CHST11: variants seen among roughly 807,000 people sequenced by gnomAD.
CHST11 encodes the protein C4S-1.
Under a neutral mutation model 30.4 loss-of-function variants are expected in CHST11, and 9 were observed. That is an observed-to-expected ratio of 0.30 (90% CI 0.18 to 0.52). The LOEUF is 0.52. CHST11 is among the 20% of genes least tolerant of loss of function. The pLI is 0.97. For synonymous variants in CHST11, 152 were observed against 187.8 expected (o/e 0.81, Z 1.56); for missense variants, 348 against 460.6 (o/e 0.76, Z 2.24).
chr12:104,678,214 GA>G (rs2039761025), intron 2 of CHST11, among the ~76,000 whole-genome samples: 1 of 152,166 alleles, frequency 6.6e-6, no homozygotes, highest in African/African-American at 2.4e-5. Context: ...AATGGAGAAA[GA>G]AAAATGTTCT....
chr12:104,611,372 TC>T (rs2039058067), intron 2 of CHST11, among the ~76,000 whole-genome samples: 1 of 152,226 alleles, frequency 6.6e-6, no homozygotes, highest in African/African-American at 2.4e-5. Context: ...GTGACTGCTG[TC>T]TTGGACAGTG....
rs752158020 is a variant in CHST11 at position 104,757,316 on chromosome 12, G to A, written c.572G>A (p.Arg191Lys). The part of the protein sequence containing the change: ...KFLFVREPFE[R>K]LVSAYRNKFT... Reference sequence around the variant, plus strand: ...CTGTTTGTCCGGGAGCCCTTCGAGAGGCTAGTGTCCGCCTACCGCAACAAG... The same window carrying A: ...CTGTTTGTCCGGGAGCCCTTCGAGAAGCTAGTGTCCGCCTACCGCAACAAG... Residue 191 changes from arginine to lysine, a missense_variant, in exon 3 of 3, where the codon AGG (arginine) becomes AAG (lysine). Coordinates refer to ENST00000303694, the MANE Select transcript of CHST11 (RefSeq NM_018413.6). This position sits in a 1 kb window ranked among gnomAD's most constrained non-coding sequence, Gnocchi z 6.5. 6.2e-7 allele frequency: 1 copy of A among 1,614,126 alleles called. No homozygotes were observed. Among genetic ancestry groups the A allele is most frequent in the Non-Finnish European group, 8.5e-7 (1 of 1,180,040 alleles).
intron 1 of CHST11, among the ~76,000 whole-genome samples, chr12:104,549,948 T>G (rs1254873751): frequency 2.0e-5 from 3 of 152,150 alleles, no homozygotes; most frequent in African/African-American, 7.2e-5. Context: ...GACCCTGTTT[T>G]GAAACGATGA....
chr12:104,710,730 C>T (rs1368194989), intron 2 of CHST11, among the ~76,000 whole-genome samples: 7 of 152,200 alleles, frequency 4.6e-5, no homozygotes, highest in Admixed American at 3.3e-4. Context: ...ATATATTAGG[C>T]TCTTCAGTGA....
At chr12:104,476,579 T>G (rs1186698279) in intron 1 of CHST11, among the ~76,000 whole-genome samples, 1 of 152,180 alleles carries the variant, frequency 6.6e-6, no homozygotes, top group African/African-American at 2.4e-5. Flanking sequence ...CCGTTTTTTT[T>G]GTAAACTAAA....
chr12:104,680,916 G>GCC (rs2039789578), intron 2 of CHST11, among the ~76,000 whole-genome samples: 2 of 152,226 alleles, frequency 1.3e-5, no homozygotes, highest in African/African-American at 4.8e-5. Flanking sequence ...TCTCAGTCTT[G>GCC]CCACTTAATG....
At chr12:104,479,919 C>A (rs1007826267) in intron 1 of CHST11, among the ~76,000 whole-genome samples, 6 of 152,196 alleles carry the variant, frequency 3.9e-5, no homozygotes, top group African/African-American at 1.2e-4. Context: ...GGAGGGCATT[C>A]CCCTTGGATC....
chr12:104,485,010 G>A (rs1020863330), intron 1 of CHST11, among the ~76,000 whole-genome samples: 2 of 152,204 alleles, frequency 1.3e-5, no homozygotes, highest in Admixed American at 1.3e-4. Context: ...TCAGAATTAG[G>A]GAGGTAGGGG....
intron 2 of CHST11, among the ~76,000 whole-genome samples, chr12:104,730,171 C>T (rs751759490): frequency 2.6e-5 from 4 of 152,240 alleles, no homozygotes; most frequent in Non-Finnish European, 5.9e-5. Flanking sequence ...TCCACCATTC[C>T]TTCACTCGTT....
At chr12:104,653,028 A>T (rs1167087526) in intron 2 of CHST11, among the ~76,000 whole-genome samples, 1 of 152,136 alleles carries the variant, frequency 6.6e-6, no homozygotes, top group East Asian at 1.9e-4. Flanking sequence ...TGCCATCGTA[A>T]CCATTTTTAA....
intron 1 of CHST11, among the ~76,000 whole-genome samples, chr12:104,554,507 C>T (rs2038436191): frequency 6.6e-6 from 1 of 152,170 alleles, no homozygotes; most frequent in Non-Finnish European, 1.5e-5. Context: ...GGGTATGTTC[C>T]TTGCTCTGGG....
intron 1 of CHST11, among the ~76,000 whole-genome samples, chr12:104,483,676 G>A (rs2037650852): frequency 6.6e-6 from 1 of 152,188 alleles, no homozygotes; most frequent in Middle Eastern, 3.2e-3. Flanking sequence ...AGAGTAAGGG[G>A]TACCTGAGTT....
At chr12:104,611,820 T>C (rs139452800) in intron 2 of CHST11, among the ~76,000 whole-genome samples, 5 of 152,324 alleles carry the variant, frequency 3.3e-5, no homozygotes, top group African/African-American at 9.6e-5. Context: ...TTGAAACATA[T>C]CAGTCATTAT....
At chr12:104,468,258 T>C (rs4964292) in intron 1 of CHST11, among the ~76,000 whole-genome samples, 10,425 of 151,904 alleles carry the variant, frequency 0.069, 525 homozygotes, top group South Asian at 0.21. Context: ...AGATGGGAGA[T>C]GAACCAATGA....
At chr12:104,752,975 A>G (rs1449424550) in intron 2 of CHST11, among the ~76,000 whole-genome samples, 1 of 152,272 alleles carries the variant, frequency 6.6e-6, no homozygotes, top group African/African-American at 2.4e-5. Flanking sequence ...CACCGGGGAT[A>G]TCGCTATGGA....
chr12:104,541,548 G>A (rs2038287527), intron 1 of CHST11, among the ~76,000 whole-genome samples: 5 of 152,012 alleles, frequency 3.3e-5, no homozygotes, highest in Admixed American at 2.6e-4. Context: ...TGTCTGTGGT[G>A]GGCTAGTGGA....
intron 2 of CHST11, among the ~76,000 whole-genome samples, chr12:104,638,550 G>T (rs937130301): frequency 1.9e-4 from 29 of 152,306 alleles, no homozygotes; most frequent in African/African-American, 6.3e-4. Context: ...AAGGGTGTAC[G>T]TGGGGGTGAT....
chr12:104,570,693 CTTT>C (rs55750051), intron 1 of CHST11, among the ~76,000 whole-genome samples: 1 of 141,352 alleles, frequency 7.1e-6, no homozygotes. Flanking sequence ...AGCCACTGCA[CTTT>C]TTTTTTTTTT....
intron 2 of CHST11, among the ~76,000 whole-genome samples, chr12:104,700,978 C>T (rs1390993836): frequency 6.6e-6 from 1 of 152,104 alleles, no homozygotes; most frequent in Non-Finnish European, 1.5e-5. Context: ...CATGGTGGTG[C>T]ACACCTGTAG....
Sources: allele counts gnomAD v4.1 joint callset (sites outside exome capture counted in the v4.1 genomes callset), GRCh38; gene constraint gnomAD v4.1.1; non-coding constraint Gnocchi (gnomAD v3.1); transcripts MANE v1.5; gene names NCBI Gene and HGNC (gene_info 2026-07-23, HGNC 2026-07-21).